FBXL7: variants seen among roughly 807,000 people sequenced by gnomAD.
The protein encoded by FBXL7 is F-box/LRR-repeat protein 7.
A neutral mutation model predicts 38.3 loss-of-function variants in FBXL7; 12 were observed. The observed-to-expected ratio is 0.31, with a 90% CI of 0.20 to 0.51. The LOEUF is 0.51. Among genes scored for constraint, FBXL7 ranks in the 20% least tolerant of loss-of-function variants. The pLI is 0.98. For missense variants in FBXL7, 567 were observed against 676.4 expected (o/e 0.84, Z 1.79); for synonymous variants, 297 against 300.9 (o/e 0.99, Z 0.13).
chr5:15,931,766 C>G (rs891654759), intron 3 of FBXL7, among the ~76,000 whole-genome samples: 1 of 152,178 alleles, frequency 6.6e-6, no homozygotes, highest in Non-Finnish European at 1.5e-5. Context: ...TCTGTGCATA[C>G]GATGATGTGT....
rs1580347987 is a variant in FBXL7, at chr5:15,517,990, T to C, written c.37+17277T>C. On this transcript the variant is annotated intron_variant, in intron 1 of 3. Transcript: ENST00000504595. The stretch of plus-strand genomic sequence containing the variant: ...TTTTTTTGTGTGTGTTTGTTTTCGT[T>C]GTTGTTGTTGTTATTTTTGAGACAG... Among the ~76,000 whole-genome samples the C allele has an allele frequency of 2.0e-5, 3 of 152,048 alleles. No homozygotes were observed. The South Asian group carries it at 6.2e-4, about 32-fold the overall frequency.
At chr5:15,522,921 C>T (rs565193223) in intron 1 of FBXL7, among the ~76,000 whole-genome samples, 16 of 152,298 alleles carry the variant, frequency 1.1e-4, no homozygotes, top group African/African-American at 3.8e-4. Flanking sequence ...ATTTGACATT[C>T]ATAATTTTAG....
At chr5:15,826,458 A>T (rs1333175448) in intron 2 of FBXL7, among the ~76,000 whole-genome samples, 2 of 152,056 alleles carry the variant, frequency 1.3e-5, no homozygotes, top group African/African-American at 4.8e-5. Context: ...TCACTCTGTC[A>T]CCCAGGCTGG....
chr5:15,737,963 T>G (rs1421449417), intron 2 of FBXL7, among the ~76,000 whole-genome samples: 1 of 152,200 alleles, frequency 6.6e-6, no homozygotes, highest in Non-Finnish European at 1.5e-5. Flanking sequence ...AAAAGCAAGT[T>G]TCCCTTTTTG....
At chr5:15,837,829 C>T (rs926046330) in intron 2 of FBXL7, among the ~76,000 whole-genome samples, 1 of 151,870 alleles carries the variant, frequency 6.6e-6, no homozygotes, top group South Asian at 2.1e-4. Context: ...TCTCTGGGCT[C>T]GTTGAAACTC....
intron 2 of FBXL7, among the ~76,000 whole-genome samples, chr5:15,820,746 C>T (rs970315024): frequency 1.6e-4 from 24 of 152,166 alleles, no homozygotes; most frequent in Non-Finnish European, 2.5e-4. Context: ...CCACACAGAC[C>T]GGTGAAGAAA....
At chr5:15,686,014 C>T (rs1422221567) in intron 2 of FBXL7, among the ~76,000 whole-genome samples, 1 of 152,076 alleles carries the variant, frequency 6.6e-6, no homozygotes, top group Admixed American at 6.6e-5. Context: ...GCCCTGTTGC[C>T]CCTTTTGCCA....
At chr5:15,518,966 T>A (rs1178347544) in intron 1 of FBXL7, among the ~76,000 whole-genome samples, 1 of 152,126 alleles carries the variant, frequency 6.6e-6, no homozygotes, top group African/African-American at 2.4e-5. Flanking sequence ...CCCTAGGAAC[T>A]TGCAGTCCGG....
At chr5:15,795,191 G>C (rs555132208) in intron 2 of FBXL7, among the ~76,000 whole-genome samples, 1 of 152,266 alleles carries the variant, frequency 6.6e-6, no homozygotes, top group African/African-American at 2.4e-5. Flanking sequence ...AAGCAATTCA[G>C]GGGGAGAGAA....
intron 2 of FBXL7, among the ~76,000 whole-genome samples, chr5:15,780,347 C>A (rs745641183): frequency 1.8e-4 from 27 of 151,740 alleles, no homozygotes; most frequent in Non-Finnish European, 3.2e-4. Flanking sequence ...AACCAAAAAA[C>A]CCCACTATAC....
chr5:15,569,973 G>A (rs1448475037), intron 1 of FBXL7, among the ~76,000 whole-genome samples: 2 of 152,142 alleles, frequency 1.3e-5, no homozygotes, highest in Non-Finnish European at 2.9e-5. Flanking sequence ...TTTTTGATGT[G>A]CTGCTGGATT....
chr5:15,923,147 G>T (rs1741787270), intron 2 of FBXL7, among the ~76,000 whole-genome samples: 1 of 152,330 alleles, frequency 6.6e-6, no homozygotes, highest in Admixed American at 6.5e-5. Flanking sequence ...CTCTCTGAGT[G>T]TGTGTCCTGG....
intron 1 of FBXL7, among the ~76,000 whole-genome samples, chr5:15,522,497 A>T (rs993614627): frequency 2.0e-5 from 3 of 152,100 alleles, no homozygotes; most frequent in Admixed American, 6.5e-5. Flanking sequence ...TGCATACTCG[A>T]CCTCTCTAAT....
chr5:15,584,484 A>C (rs1739245491), intron 1 of FBXL7, among the ~76,000 whole-genome samples: 1 of 152,196 alleles, frequency 6.6e-6, no homozygotes, highest in African/African-American at 2.4e-5. Context: ...AAGCATAGCA[A>C]GTGTGACCTT....
At chr5:15,524,750 T>A (rs1737203140) in intron 1 of FBXL7, among the ~76,000 whole-genome samples, 1 of 152,268 alleles carries the variant, frequency 6.6e-6, no homozygotes, top group Non-Finnish European at 1.5e-5. Flanking sequence ...TTTATCCATT[T>A]ATCATAGGAG....
intron 2 of FBXL7, among the ~76,000 whole-genome samples, chr5:15,708,389 G>A (rs1446444351): frequency 6.6e-6 from 1 of 152,130 alleles, no homozygotes; most frequent in Non-Finnish European, 1.5e-5. Flanking sequence ...GATGTAAAGG[G>A]GTACCCTTAC....
intron 1 of FBXL7, among the ~76,000 whole-genome samples, chr5:15,614,276 T>TC (rs951794012): frequency 4.2e-4 from 47 of 112,852 alleles, no homozygotes; most frequent in Non-Finnish European, 8.4e-5. Context: ...TTTCTTTTCT[T>TC]TTTTTTTTTT....
At chr5:15,659,750 A>G (rs577880818) in intron 2 of FBXL7, among the ~76,000 whole-genome samples, 1 of 152,316 alleles carries the variant, frequency 6.6e-6, no homozygotes, top group African/African-American at 2.4e-5. Flanking sequence ...TATCAGCTTT[A>G]AAGTATTTTC....
chr5:15,609,915 G>T (rs4702088), intron 1 of FBXL7, among the ~76,000 whole-genome samples: 4,350 of 152,206 alleles, frequency 0.029, 102 homozygotes, highest in East Asian at 0.054. Flanking sequence ...TACGTGAGAC[G>T]GTAATTTACA....
Sources: allele counts gnomAD v4.1 joint callset (sites outside exome capture counted in the v4.1 genomes callset), GRCh38; gene constraint gnomAD v4.1.1; transcripts MANE v1.5; gene names NCBI Gene and HGNC (gene_info 2026-07-23, HGNC 2026-07-21).